Variants in ADGRL2 observed in about 807,000 individuals in gnomAD.
The protein encoded by ADGRL2 is adhesion G protein-coupled receptor L2.
A neutral mutation model predicts 157.4 loss-of-function variants in ADGRL2; 44 were observed. The ratio of observed to expected loss-of-function variants is 0.28; its 90% confidence interval spans 0.22 to 0.36. The LOEUF (loss-of-function observed/expected upper bound fraction) is 0.36. Ranked by LOEUF, ADGRL2 falls within the 10% of genes least tolerant of loss-of-function variation. The pLI, the probability that ADGRL2 is intolerant of heterozygous loss-of-function variation, is 1.00. For synonymous variants in ADGRL2, 585 were observed against 624.7 expected (o/e 0.94, Z 0.95); for missense variants, 1,510 against 1,768.9 (o/e 0.85, Z 2.63).
intron 1 of ADGRL2, among the ~76,000 whole-genome samples, chr1:81,349,656 A>G (rs1662737459): frequency 6.6e-6 from 1 of 150,426 alleles, no homozygotes; most frequent in East Asian, 2.0e-4. Flanking sequence ...ACACACACAC[A>G]CACACACATC....
chr1:81,870,581 AT>A (rs2093665559), intron 2 of ADGRL2, among the ~76,000 whole-genome samples: 1 of 152,096 alleles, frequency 6.6e-6, no homozygotes, highest in Non-Finnish European at 1.5e-5. Context: ...CTAGGAAGTT[AT>A]TTTCAAAATA....
At chr1:81,749,614 A>G (rs916445414) in intron 1 of ADGRL2, among the ~76,000 whole-genome samples, 1 of 152,194 alleles carries the variant, frequency 6.6e-6, no homozygotes, top group Admixed American at 6.5e-5. Flanking sequence ...TGTTAAATGA[A>G]TACATAAACT....
rs545797034 is a variant in ADGRL2, at chr1:81,614,000, T to A, written c.-143+33020T>A. Among the ~76,000 whole-genome samples the A allele has an allele frequency of 4.6e-5, 7 of 152,278 alleles. No individual in the cohort carries two copies. The East Asian group carries it at 1.2e-3, about 25-fold the overall frequency. ...TGATTTTAATGTGTTTTCCCCCTCT[T>A]CCAGATCATTATTAAATGCGCTAAA... On this transcript the variant is annotated intron_variant, in intron 3 of 24. Transcript: ENST00000370721.
intron 2 of ADGRL2, among the ~76,000 whole-genome samples, chr1:81,525,583 G>C (rs1423915095): frequency 6.6e-6 from 1 of 152,176 alleles, no homozygotes; most frequent in African/African-American, 2.4e-5. Context: ...CTCTCAAAGA[G>C]CTGGGATTAC....
intron 3 of ADGRL2, among the ~76,000 whole-genome samples, chr1:81,672,622 A>G (rs556546891): frequency 2.6e-5 from 4 of 152,340 alleles, no homozygotes; most frequent in Admixed American, 2.0e-4. Context: ...CCTAGATGAA[A>G]TGTCATCCAA....
intron 1 of ADGRL2, among the ~76,000 whole-genome samples, chr1:81,360,857 GA>G (rs1194574532): frequency 1.3e-5 from 2 of 151,860 alleles, no homozygotes; most frequent in African/African-American, 2.4e-5. Context: ...AATAATGTAA[GA>G]AAAAAATATT....
At chr1:81,612,801 A>C (rs575326146) in intron 3 of ADGRL2, among the ~76,000 whole-genome samples, 2 of 152,230 alleles carry the variant, frequency 1.3e-5, no homozygotes, top group Non-Finnish European at 2.9e-5. Flanking sequence ...GTCAACAGGT[A>C]TATGAAAAAA....
At chr1:81,833,586 T>G (rs2092093960) in intron 1 of ADGRL2, among the ~76,000 whole-genome samples, 1 of 152,248 alleles carries the variant, frequency 6.6e-6, no homozygotes, top group South Asian at 2.1e-4. Context: ...TAAATAAGCC[T>G]CATCACATAA....
At chr1:81,980,921 A>C (rs1661485692) in intron 18 of ADGRL2, 1 of 574,902 alleles carries the variant, frequency 1.7e-6, no homozygotes, top group South Asian at 2.6e-5. Flanking sequence ...ATTGCCCTTA[A>C]TTTTTATAAT....
chr1:81,474,124 C>T (rs1200789361), intron 2 of ADGRL2, among the ~76,000 whole-genome samples: 1 of 152,128 alleles, frequency 6.6e-6, no homozygotes, highest in Non-Finnish European at 1.5e-5. Flanking sequence ...AAAGGAGCTT[C>T]GAATTGGATA....
intron 2 of ADGRL2, among the ~76,000 whole-genome samples, chr1:81,857,117 G>A (rs1041600253): frequency 5.9e-5 from 9 of 152,092 alleles, no homozygotes; most frequent in Non-Finnish European, 1.3e-4. Flanking sequence ...GGTTTATGTT[G>A]TTTTGTTACA....
chr1:81,951,083 A>T lies in ADGRL2; in HGVS notation c.1570A>T (p.Asn524Tyr). The change falls in exon 8 of 24, where the codon AAC becomes TAC. Residue 524 changes from asparagine (N) to tyrosine (Y), a missense_variant. This residue lies in a region of ADGRL2 where 325 missense variants were observed against 333.2 expected (regional missense o/e 0.98). Coordinates refer to ENST00000686636, the MANE Select transcript of ADGRL2 (RefSeq NM_001366006.2). The stretch of plus-strand genomic sequence containing the variant: ...GAACCCTAAGGGCCCCGATCTTAGC[A>T]ACTGTACCTCACACTGGGTGAATCA... ...TWNPKGPDLSNCTSHWVNQLA... is the reference protein window; with the variant it reads ...TWNPKGPDLSYCTSHWVNQLA... 6.2e-7 allele frequency: 1 copy of T among 1,613,636 alleles called. No homozygotes were observed. Among genetic ancestry groups the T allele is most frequent in the Non-Finnish European group, 8.5e-7 (1 of 1,179,602 alleles).
chr1:81,824,967 C>T (rs79777916), intron 1 of ADGRL2, among the ~76,000 whole-genome samples: 4 of 150,376 alleles, frequency 2.7e-5, no homozygotes, highest in Non-Finnish European at 4.4e-5. Context: ...CTCTCTCTCT[C>T]TCTCTCTCTC....
intron 1 of ADGRL2, among the ~76,000 whole-genome samples, chr1:81,330,667 G>A (rs1443954717): frequency 2.6e-5 from 4 of 152,078 alleles, no homozygotes; most frequent in Non-Finnish European, 4.4e-5. Context: ...CACAAAAGCT[G>A]TTAACACATG....
intron 3 of ADGRL2, among the ~76,000 whole-genome samples, chr1:81,603,079 C>T (rs1241575842): frequency 6.6e-6 from 1 of 152,126 alleles, no homozygotes; most frequent in Non-Finnish European, 1.5e-5. Flanking sequence ...TCTTTTCTCT[C>T]TCTTTTTTTC....
At chr1:81,830,373 TTAGA>T (rs1474869142) in intron 1 of ADGRL2, among the ~76,000 whole-genome samples, 3 of 152,192 alleles carry the variant, frequency 2.0e-5, no homozygotes, top group African/African-American at 7.2e-5. Context: ...AAATGTAAGT[TTAGA>T]TAACACTATA....
chr1:81,904,952 G>A (rs940800813), intron 2 of ADGRL2, among the ~76,000 whole-genome samples: 2 of 152,026 alleles, frequency 1.3e-5, no homozygotes, highest in African/African-American at 4.8e-5. Flanking sequence ...CCACACTGAG[G>A]ACTAAGCCTC....
intron 1 of ADGRL2, among the ~76,000 whole-genome samples, chr1:81,810,219 A>G (rs982587052): frequency 2.0e-5 from 3 of 151,984 alleles, no homozygotes; most frequent in South Asian, 2.1e-4. Context: ...AGTTCTCCAT[A>G]TAATGGGCAA....
intron 3 of ADGRL2, among the ~76,000 whole-genome samples, chr1:81,638,772 A>G (rs943371833): frequency 1.3e-5 from 2 of 152,204 alleles, no homozygotes; most frequent in African/African-American, 4.8e-5. Flanking sequence ...GAAGACAAAA[A>G]CAGGGGCACA....
Sources: allele counts gnomAD v4.1 joint callset (sites outside exome capture counted in the v4.1 genomes callset), GRCh38; gene constraint gnomAD v4.1.1; regional missense constraint gnomAD v4.1.1; transcripts MANE v1.5; gene names NCBI Gene and HGNC (gene_info 2026-07-23, HGNC 2026-07-21).